MAFA: variants seen among roughly 807,000 people sequenced by gnomAD.
MAFA encodes MAF bZIP transcription factor A, also known as transcription factor MafA.
For missense variants in MAFA, 547 were observed against 538.0 expected (o/e 1.02, Z -0.16); for synonymous variants, 244 against 260.3 (o/e 0.94, Z 0.60).
In MAFA at chr8:143,428,782, C is replaced by CTCA. The variant is rs1819487650; in HGVS notation, c.*560_*562dup. The stretch of plus-strand genomic sequence containing the variant: ...GGGCCGGGCCCCTCCTGGCGAGCGA[C>CTCA]TCATGCTGTGACTCGCGACTGAGGG... On this transcript the variant is annotated 3_prime_UTR_variant, in exon 1 of 1. Transcript: ENST00000333480. 1 of 151,246 alleles carries CTCA rather than the reference C, an allele frequency of 6.6e-6. No individual in the cohort carries two copies. The highest frequency in any genetic ancestry group is 1.5e-5 in the Non-Finnish European group (1 of 67,788). 9.4% of individuals were successfully genotyped at this position (151,246 alleles called of 1,614,324 possible).
At position 143,430,330 on chromosome 8, in the gene MAFA, A is replaced by C; in HGVS notation, c.77T>G (p.Leu26Arg). The change falls in exon 1 of 1, where the codon CTG becomes CGG. Residue 26 changes from leucine to arginine, a missense_variant. Coordinates refer to ENST00000333480, the MANE Select transcript of MAFA (RefSeq NM_201589.4). ...LAIEYVNDFDLMKFEVKKEPP... is the reference protein window; with the variant it reads ...LAIEYVNDFDRMKFEVKKEPP... ...CTCCTTCTTCACCTCGAACTTCATC[A>C]GGTCGAAGTCGTTGACGTACTCGAT... 1 of 1,443,824 alleles carries C rather than the reference A, an allele frequency of 6.9e-7. No individual in the cohort carries two copies. The allele number at this position is 1,443,824 out of a possible 1,614,324, so 89.4% of individuals were successfully genotyped here.
chr8:143,430,158 GC>G lies in MAFA; in HGVS notation c.248del (p.Gly83AlafsTer37). ...PGTGGGGGAG[G>X]GGGSSQAGGA... is the part of the protein sequence containing the mutation. ...CCCCGGCCTGAGACGAGCCGCCGCC[GC>G]CCCCCGCGCCGCCGCCGCCGCCGGT... On this transcript the variant is annotated frameshift_variant, in exon 1 of 1. Coordinates refer to ENST00000333480, the MANE Select transcript of MAFA (RefSeq NM_201589.4). LOFTEE classifies it low-confidence loss of function (END_TRUNC). The G allele has an allele frequency of 9.1e-6, 10 of 1,101,514 alleles. No homozygotes were observed. In the South Asian group the frequency reaches 1.0e-4, roughly 11 times the overall value. The allele number at this position is 1,101,514 out of a possible 1,614,324, so 68.2% of individuals were successfully genotyped here.
In MAFA at chr8:143,430,013, TG is replaced by T; in HGVS notation, c.393del (p.Asn132ThrfsTer2). 1 of 1,373,602 alleles carries T rather than the reference TG, an allele frequency of 7.3e-7. No homozygotes were observed. Among genetic ancestry groups the T allele is most frequent in the Non-Finnish European group, 9.5e-7 (1 of 1,054,530 alleles). 85.1% of individuals were successfully genotyped at this position (1,373,602 alleles called of 1,614,324 possible). A position where few individuals can be genotyped will look rare whatever the true frequency, so the allele number is the denominator to read the frequency against. On this transcript the variant is annotated frameshift_variant, in exon 1 of 1. Transcript: ENST00000333480. LOFTEE classifies it low-confidence loss of function (END_TRUNC). ...TCCACCGCGTCCTCGGGCGTCAGGTTGAGCGCCTCGGGGTTGAGGTGATGCT... is the reference window on the plus strand; with the variant it reads ...TCCACCGCGTCCTCGGGCGTCAGGTTAGCGCCTCGGGGTTGAGGTGATGCT... ...GYQHHLNPEALNLTPEDAVEA... is the reference protein window; with the variant it reads ...GYQHHLNPEAXNLTPEDAVEA...
chr8:143,428,432 A>C lies in MAFA; in HGVS notation c.*913T>G, dbSNP rs1305030421. 2 of 152,266 alleles carry C rather than the reference A, an allele frequency of 1.3e-5. No individual in the cohort carries two copies. Among genetic ancestry groups the C allele is most frequent in the Non-Finnish European group, 2.9e-5 (2 of 68,054 alleles). 9.4% of individuals were successfully genotyped at this position (152,266 alleles called of 1,614,324 possible). On this transcript the variant is annotated 3_prime_UTR_variant, in exon 1 of 1. Coordinates refer to ENST00000333480, the MANE Select transcript of MAFA (RefSeq NM_201589.4). Reference sequence around the variant, plus strand: ...CTTTCTCCACCCGCCCCATGCCAGAAGGCTCTGGCCCAAGCCTCCTCTTAA... The same window carrying C: ...CTTTCTCCACCCGCCCCATGCCAGACGGCTCTGGCCCAAGCCTCCTCTTAA...
Position 143,429,764 on chromosome 8 carries a change from C to A in MAFA, c.643G>T (p.Gly215Cys). ...HHHHGGAGHGGGAGHHVRLEE... is the reference protein window; with the variant it reads ...HHHHGGAGHGCGAGHHVRLEE... ...AGGCGCACGTGGTGGCCCGCGCCAC[C>A]GCCGTGTCCCGCGCCGCCATGGTGG... is the stretch of plus-strand genomic sequence containing the variant. The change falls in exon 1 of 1, where the codon GGT (glycine) becomes TGT (cysteine). Residue 215 changes from glycine (G) to cysteine (C), a missense_variant. Physicochemically the swap from Gly to Cys is radical, Grantham distance 159. Coordinates refer to ENST00000333480, the MANE Select transcript of MAFA (RefSeq NM_201589.4). This position sits in a 1 kb window ranked among gnomAD's most constrained non-coding sequence, Gnocchi z 5.9. The A allele has an allele frequency of 6.5e-7, 1 of 1,530,796 alleles. No individual in the cohort carries two copies. The highest frequency in any genetic ancestry group is 8.7e-7 in the Non-Finnish European group (1 of 1,145,456). The allele number at this position is 1,530,796 out of a possible 1,614,324, so 94.8% of individuals were successfully genotyped here. A position where few individuals can be genotyped will look rare whatever the true frequency, so the allele number is the denominator to read the frequency against.
In MAFA at chr8:143,429,665, T is replaced by G; in HGVS notation, c.742A>C (p.Ser248Arg). The G allele has an allele frequency of 6.3e-7, 1 of 1,581,690 alleles. No individual in the cohort carries two copies. Among genetic ancestry groups the G allele is most frequent in the Non-Finnish European group, 8.5e-7 (1 of 1,171,200 alleles). Reference protein sequence around the residue: ...RELNRQLRGFSKEEVIRLKQK... With the variant: ...RELNRQLRGFRKEEVIRLKQK... ...TTGAGCCGGATGACCTCCTCCTTGCTGAAGCCGCGGAGCTGCCGGTTCAGC... is the reference window on the plus strand; with the variant it reads ...TTGAGCCGGATGACCTCCTCCTTGCGGAAGCCGCGGAGCTGCCGGTTCAGC... Residue 248 changes from serine (S) to arginine (R), a missense_variant, in exon 1 of 1, where the codon AGC becomes CGC. Ser to Arg is a moderately radical substitution (Grantham distance 110). Coordinates refer to ENST00000333480, the MANE Select transcript of MAFA (RefSeq NM_201589.4). The surrounding 1 kb of genome is among the most constrained non-coding windows in gnomAD (Gnocchi z 5.9).
Position 143,430,287 on chromosome 8 carries a change from G to T in MAFA, c.120C>A (p.Arg40=). The T allele has an allele frequency of 6.9e-7, 1 of 1,451,082 alleles. No homozygotes were observed. Among genetic ancestry groups the T allele is most frequent in the Non-Finnish European group, 9.2e-7 (1 of 1,088,076 alleles). 89.9% of individuals were successfully genotyped at this position (1,451,082 alleles called of 1,614,324 possible). ...EVKKEPPEAE[R]FCHRLPPGSL... ...AGCCTGGCGGCAGGCGGTGGCAGAA[G>T]CGCTCGGCCTCGGGAGGCTCCTTCT... Residue 40 remains arginine (R), a synonymous_variant, in exon 1 of 1, where the codon CGC becomes CGA. Transcript: ENST00000333480.
chr8:143,429,742 C>G lies in MAFA; in HGVS notation c.665G>C (p.Arg222Pro). ...GTCGTCGGAGAAGCGCTCCTCCAGG[C>G]GCACGTGGTGGCCCGCGCCACCGCC... ...GHGGGAGHHVRLEERFSDDQL... is the reference protein window; with the variant it reads ...GHGGGAGHHVPLEERFSDDQL... Residue 222 changes from arginine (R) to proline (P), a missense_variant, in exon 1 of 1, where the codon CGC (arginine) becomes CCC (proline). Physicochemically the swap from Arg to Pro is moderately radical, Grantham distance 103. Coordinates refer to ENST00000333480, the MANE Select transcript of MAFA (RefSeq NM_201589.4). The surrounding 1 kb of genome is among the most constrained non-coding windows in gnomAD (Gnocchi z 5.9). 6.5e-7 allele frequency: 1 copy of G among 1,544,462 alleles called. No homozygotes were observed. The highest frequency in any genetic ancestry group is 8.7e-7 in the Non-Finnish European group (1 of 1,151,908).
chr8:143,430,504 C>CG lies in MAFA; in HGVS notation c.-99_-98insC, dbSNP rs1819525081. The stretch of plus-strand genomic sequence containing the variant: ...CCCCCTGCTCCCCGCGGGCGGCGGT[C>CG]CCGGCGGGGGCGGGGGGGCGCCGGC... On this transcript the variant is annotated 5_prime_UTR_variant, in exon 1 of 1. Coordinates refer to ENST00000333480, the MANE Select transcript of MAFA (RefSeq NM_201589.4). 8.4e-6 allele frequency: 2 copies of CG among 238,802 alleles called. No individual in the cohort carries two copies. The highest frequency in any genetic ancestry group is 4.8e-5 in the African/African-American group (2 of 41,774). 14.8% of individuals were successfully genotyped at this position (238,802 alleles called of 1,614,324 possible).
rs959000296 is a variant in MAFA, at chr8:143,430,444, G to A, written c.-38C>T. 28 of 978,630 alleles carry A rather than the reference G, an allele frequency of 2.9e-5. No homozygotes were observed. In the Admixed American group the frequency reaches 3.3e-4, roughly 11 times the overall value. 60.6% of individuals were successfully genotyped at this position (978,630 alleles called of 1,614,324 possible). On this transcript the variant is annotated 5_prime_UTR_variant, in exon 1 of 1. Transcript: ENST00000333480. ...GCGCCCGGCCGCGCCCCGACGGGCG[G>A]CGTGGGAGTGGGGGGGGAGCTGCAG...
Position 143,430,610 on chromosome 8 carries a change from C to A in MAFA, c.-204G>T, listed in dbSNP as rs1188825221. ...GCGGCGCGCTAGGGGCACCGCTGGC[C>A]AGGTGTCTCGGGCGACCCCGGGCCC... On this transcript the variant is annotated 5_prime_UTR_variant, in exon 1 of 1. Transcript: ENST00000333480. 7.6e-6 allele frequency among the ~76,000 whole-genome samples: 1 copy of A among 131,166 alleles called. No homozygotes were observed. The highest frequency in any genetic ancestry group is 7.4e-5 in the Admixed American group (1 of 13,490). 86.0% of individuals were successfully genotyped at this position (131,166 alleles called of 152,430 possible).
rs1381799551 is a variant in MAFA, at chr8:143,429,169, C to A, written c.*176G>T. 1.3e-6 allele frequency: 1 copy of A among 751,842 alleles called. No homozygotes were observed. Among genetic ancestry groups the A allele is most frequent in the Non-Finnish European group, 1.8e-6 (1 of 560,254 alleles). 46.6% of individuals were successfully genotyped at this position (751,842 alleles called of 1,614,324 possible). A position where few individuals can be genotyped will look rare whatever the true frequency, so the allele number is the denominator to read the frequency against. On this transcript the variant is annotated 3_prime_UTR_variant, in exon 1 of 1. Transcript: ENST00000333480. This position sits in a 1 kb window ranked among gnomAD's most constrained non-coding sequence, Gnocchi z 5.9. ...GGCGACCCGGGCCGACGCGCGCGAACGGGGACCGGGAGCGAAGGGGCCTCC... is the reference window on the plus strand; with the variant it reads ...GGCGACCCGGGCCGACGCGCGCGAAAGGGGACCGGGAGCGAAGGGGCCTCC...
Position 143,429,286 on chromosome 8 carries a change from C to A in MAFA, c.*59G>T. The A allele has an allele frequency of 7.7e-7, 1 of 1,292,456 alleles. No homozygotes were observed. The highest frequency in any genetic ancestry group is 3.3e-5 in the East Asian group (1 of 30,390). The allele number at this position is 1,292,456 out of a possible 1,614,324, so 80.1% of individuals were successfully genotyped here. ...GTACCGCGGAGTCCGAGCCGAGGCC[C>A]CGAGAGGCCTGCGCGAACTTGTCCC... is the stretch of plus-strand genomic sequence containing the variant. On this transcript the variant is annotated 3_prime_UTR_variant, in exon 1 of 1. Coordinates refer to ENST00000333480, the MANE Select transcript of MAFA (RefSeq NM_201589.4). This position sits in a 1 kb window ranked among gnomAD's most constrained non-coding sequence, Gnocchi z 5.9.
rs1330584022 is a variant in MAFA, at chr8:143,429,625, G to A, written c.782C>T (p.Thr261Met). Residue 261 changes from threonine (T) to methionine (M), a missense_variant, in exon 1 of 1, where the codon ACG becomes ATG. By Grantham distance (81) the Thr-to-Met change is moderately conservative (BLOSUM62 -1). Coordinates refer to ENST00000333480, the MANE Select transcript of MAFA (RefSeq NM_201589.4). The surrounding 1 kb of genome is among the most constrained non-coding windows in gnomAD (Gnocchi z 5.9). ...CTGCGCGTAGCCGCGGTTCTTGAGCGTGCGCCGCTTCTGCTTGAGCCGGAT... is the reference window on the plus strand; with the variant it reads ...CTGCGCGTAGCCGCGGTTCTTGAGCATGCGCCGCTTCTGCTTGAGCCGGAT... ...EVIRLKQKRR[T>M]LKNRGYAQSC... The A allele has an allele frequency of 1.3e-6, 2 of 1,594,210 alleles. No individual in the cohort carries two copies. The highest frequency in any genetic ancestry group is 2.3e-5 in the East Asian group (1 of 44,260).
chr8:143,430,336 A>C lies in MAFA; in HGVS notation c.71T>G (p.Phe24Cys). The C allele has an allele frequency of 6.9e-7, 1 of 1,449,344 alleles. No homozygotes were observed. The highest frequency in any genetic ancestry group is 9.2e-7 in the Non-Finnish European group (1 of 1,086,124). The allele number at this position is 1,449,344 out of a possible 1,614,324, so 89.8% of individuals were successfully genotyped here. A position where few individuals can be genotyped will look rare whatever the true frequency, so the allele number is the denominator to read the frequency against. The change falls in exon 1 of 1, where the codon TTC becomes TGC. Residue 24 changes from phenylalanine to cysteine, a missense_variant. Phe to Cys is a radical substitution (Grantham distance 205). Coordinates refer to ENST00000333480, the MANE Select transcript of MAFA (RefSeq NM_201589.4). ...SPLAIEYVND[F>C]DLMKFEVKKE... Reference sequence around the variant, plus strand: ...CTTCACCTCGAACTTCATCAGGTCGAAGTCGTTGACGTACTCGATGGCCAG... The same window carrying C: ...CTTCACCTCGAACTTCATCAGGTCGCAGTCGTTGACGTACTCGATGGCCAG...
chr8:143,428,866 G>C lies in MAFA; in HGVS notation c.*479C>G, dbSNP rs1463841276. The C allele has an allele frequency of 6.6e-6, 1 of 152,342 alleles. No homozygotes were observed. The highest frequency in any genetic ancestry group is 1.5e-5 in the Non-Finnish European group (1 of 68,192). The allele number at this position is 152,342 out of a possible 1,614,324, so 9.4% of individuals were successfully genotyped here. The stretch of plus-strand genomic sequence containing the variant: ...CAAGGTTTTCTTTTCTAATCACCAA[G>C]CATAATAATTATAAATACTTCGAAA... On this transcript the variant is annotated 3_prime_UTR_variant, in exon 1 of 1. Coordinates refer to ENST00000333480, the MANE Select transcript of MAFA (RefSeq NM_201589.4).
Position 143,430,423 on chromosome 8 carries a change from C to T in MAFA, c.-17G>A. 2.6e-6 allele frequency: 3 copies of T among 1,169,516 alleles called. No individual in the cohort carries two copies. The highest frequency in any genetic ancestry group is 3.2e-6 in the Non-Finnish European group (3 of 933,692). 72.4% of individuals were successfully genotyped at this position (1,169,516 alleles called of 1,614,324 possible). A position where few individuals can be genotyped will look rare whatever the true frequency, so the allele number is the denominator to read the frequency against. ...CGCGGCCATCGCCCGGGGCCCGCGC[C>T]CGGCCGCGCCCCGACGGGCGGCGTG... On this transcript the variant is annotated 5_prime_UTR_variant, in exon 1 of 1. Transcript: ENST00000333480.
Position 143,429,408 on chromosome 8 carries a change from C to T in MAFA, c.999G>A (p.Arg333=). The change falls in exon 1 of 1, where the codon CGG becomes CGA. Residue 333 remains arginine, a synonymous_variant. Transcript: ENST00000333480. The surrounding 1 kb of genome is among the most constrained non-coding windows in gnomAD (Gnocchi z 5.9). ...PGSAGGAGFP[R]EPSPPQAGPG... is the part of the protein sequence containing the mutation. ...GACCGGCCTGCGGCGGCGAAGGCTC[C>T]CGCGGGAAACCGGCCCCGCCCGCGC... 1 of 1,497,998 alleles carries T rather than the reference C, an allele frequency of 6.7e-7. No individual in the cohort carries two copies. The highest frequency in any genetic ancestry group is 8.8e-7 in the Non-Finnish European group (1 of 1,132,616). The allele number at this position is 1,497,998 out of a possible 1,614,324, so 92.8% of individuals were successfully genotyped here.
In MAFA at chr8:143,429,234, C is replaced by A; in HGVS notation, c.*111G>T. 1 of 1,200,376 alleles carries A rather than the reference C, an allele frequency of 8.3e-7. No individual in the cohort carries two copies. The highest frequency in any genetic ancestry group is 4.4e-5 in the Admixed American group (1 of 22,594). 74.4% of individuals were successfully genotyped at this position (1,200,376 alleles called of 1,614,324 possible). On this transcript the variant is annotated 3_prime_UTR_variant, in exon 1 of 1. Coordinates refer to ENST00000333480, the MANE Select transcript of MAFA (RefSeq NM_201589.4). The surrounding 1 kb of genome is among the most constrained non-coding windows in gnomAD (Gnocchi z 5.9). ...AGACTTGGCACCGGGGCCAGCACGG[C>A]CGGGCCGGGCCTGGTGTCCACGTCC...
Sources: allele counts gnomAD v4.1 joint callset (sites outside exome capture counted in the v4.1 genomes callset), GRCh38; gene constraint gnomAD v4.1.1; non-coding constraint Gnocchi (gnomAD v3.1); transcripts MANE v1.5; gene names NCBI Gene and HGNC (gene_info 2026-07-23, HGNC 2026-07-21).